SCUBE1: variants seen among roughly 807,000 people sequenced by gnomAD.
The protein encoded by SCUBE1 is signal peptide, CUB and EGF-like domain-containing protein 1.
In SCUBE1, 59 loss-of-function variants were observed where a neutral mutation model predicts 124.4. The ratio of observed to expected loss-of-function variants is 0.47; its 90% CI spans 0.38 to 0.59. SCUBE1 has a LOEUF of 0.59. SCUBE1 is among the 20% of genes least tolerant of loss of function. SCUBE1 has a pLI of 0.00. For synonymous variants in SCUBE1, 545 were observed against 550.9 expected (o/e 0.99, Z 0.15); for missense variants, 1,150 against 1,371.2 (o/e 0.84, Z 2.55).
intron 15 of SCUBE1, among the ~76,000 whole-genome samples, chr22:43,214,879 G>T (rs1921742056): frequency 6.6e-6 from 1 of 151,974 alleles, no homozygotes; most frequent in Non-Finnish European, 1.5e-5. Flanking sequence ...CTCAGTGCTG[G>T]AGAAGATGCT....
chr22:43,308,420 A>C (rs1926053563), intron 3 of SCUBE1, among the ~76,000 whole-genome samples: 1 of 152,252 alleles, frequency 6.6e-6, no homozygotes, highest in Non-Finnish European at 1.5e-5. Flanking sequence ...TTATGGAGTA[A>C]GTATATGACT....
chr22:43,262,587 G>T, intron 5 of SCUBE1, 133 bp downstream of exon 5: 1 of 1,050,822 alleles, frequency 9.5e-7, no homozygotes, highest in African/African-American at 1.6e-5. Context: ...CCTTCCACAG[G>T]CCCTGCCCTT....
At chr22:43,342,270 G>T (rs570277762) in intron 1 of SCUBE1, among the ~76,000 whole-genome samples, 1 of 151,752 alleles carries the variant, frequency 6.6e-6, no homozygotes, top group Non-Finnish European at 1.5e-5. Context: ...AGGGTGGGGG[G>T]GTCCCCGTGA....
At chr22:43,342,511 C>G (rs139130834) in intron 1 of SCUBE1, among the ~76,000 whole-genome samples, 2,137 of 151,900 alleles carry the variant, frequency 0.014, 64 homozygotes, top group African/African-American at 0.048. Context: ...ACCGCCCCCC[C>G]CAACCCCGTT....
rs1432834573 is a variant in SCUBE1 at position 43,298,112 on chromosome 22, T to A, written c.350-6932A>T. ...AAGCCTCTTGGCTATCTAGCGGCTC[T>A]TGCAAAATTGCATTTGATGAGTTAA... On this transcript the variant is annotated intron_variant, in intron 3 of 21. Coordinates refer to ENST00000360835, the MANE Select transcript of SCUBE1 (RefSeq NM_173050.5). Among the ~76,000 whole-genome samples, 5 of 152,268 alleles carry A rather than the reference T, an allele frequency of 3.3e-5. No individual in the cohort carries two copies. The South Asian group carries it at 8.3e-4, about 25-fold the overall frequency.
Position 43,343,194 on chromosome 22 carries a change from G to A in SCUBE1, c.68C>T (p.Ala23Val). The part of the protein sequence containing the change: ...LLALGTRGRL[A>V]GGSGLPGSVD... The stretch of plus-strand genomic sequence containing the variant: ...CTTACCTGGGAGCCCGCTGCCCCCG[G>A]CCAGCCGCCCGCGTGTGCCCAGGGC... The change falls in exon 1 of 22, where the codon GCC becomes GTC. Residue 23 changes from alanine (A) to valine (V), a missense_variant. Around this residue, in one of 3 missense-constraint regions of SCUBE1, gnomAD observed 56 missense variants for 48.1 expected, o/e 1.16. Transcript: ENST00000360835. 1 of 1,195,746 alleles carries A rather than the reference G, an allele frequency of 8.4e-7. No individual in the cohort carries two copies. Among genetic ancestry groups the A allele is most frequent in the Non-Finnish European group, 1.0e-6 (1 of 961,996 alleles). 74.1% of individuals were successfully genotyped at this position (1,195,746 alleles called of 1,614,324 possible).
At position 43,214,195 on chromosome 22, in the gene SCUBE1, T is replaced by C. The variant is rs144703863; in HGVS notation, c.1948A>G (p.Met650Val). ...TCCATGTCCTGGTATGTTCCTGGCA[T>C]ACATGACACACACTGGCCGAGCTCA... ...GGELGQCVSC[M>V]PGTYQDMEGQ... Residue 650 changes from methionine to valine, a missense_variant, in exon 16 of 22, where the codon ATG becomes GTG. Met to Val is a conservative substitution (Grantham distance 21, BLOSUM62 1). Around this residue, in one of 3 missense-constraint regions of SCUBE1, gnomAD observed 757 missense variants for 840.9 expected, o/e 0.90. Coordinates refer to ENST00000360835, the MANE Select transcript of SCUBE1 (RefSeq NM_173050.5). The C allele has an allele frequency of 1.5e-3, 2,434 of 1,613,134 alleles. 66 individuals carry two copies. The East Asian group carries it at 0.048, about 32-fold the overall frequency.
At position 43,197,364 on chromosome 22, in the gene SCUBE1, A is replaced by C. The variant is rs1383969788; in HGVS notation, c.*6633T>G. On this transcript the variant is annotated 3_prime_UTR_variant, in exon 22 of 22. Coordinates refer to ENST00000360835, the MANE Select transcript of SCUBE1 (RefSeq NM_173050.5). ...TATGGGGGACATGATGGATAAAACA[A>C]AACTGAATATTTGTGGCAACTAAAA... 1 of 152,276 alleles carries C rather than the reference A, an allele frequency of 6.6e-6. No homozygotes were observed. The highest frequency in any genetic ancestry group is 2.4e-5 in the African/African-American group (1 of 41,474). The allele number at this position is 152,276 out of a possible 1,614,324, so 9.4% of individuals were successfully genotyped here.
At chr22:43,322,227 C>T (rs533786264) in intron 2 of SCUBE1, among the ~76,000 whole-genome samples, 1 of 152,290 alleles carries the variant, frequency 6.6e-6, no homozygotes, top group South Asian at 2.1e-4. Context: ...TCGTGATCCG[C>T]CCACCTTGGC....
chr22:43,342,175 C>A (rs991438619), intron 1 of SCUBE1, among the ~76,000 whole-genome samples: 1 of 146,136 alleles, frequency 6.8e-6, no homozygotes, highest in African/African-American at 2.6e-5. Context: ...CCGGAGGAAG[C>A]GCCTCTGATG....
At chr22:43,242,893 G>A (rs1923062798) in intron 6 of SCUBE1, among the ~76,000 whole-genome samples, 1 of 152,206 alleles carries the variant, frequency 6.6e-6, no homozygotes, top group South Asian at 2.1e-4. Context: ...CAGCCCCGGG[G>A]GACACAGAAG....
chr22:43,292,312 C>A (rs915628787), intron 3 of SCUBE1, among the ~76,000 whole-genome samples: 1 of 152,142 alleles, frequency 6.6e-6, no homozygotes, highest in African/African-American at 2.4e-5. Flanking sequence ...CATTTCTGAC[C>A]AGAGGCCGCT....
intron 6 of SCUBE1, among the ~76,000 whole-genome samples, chr22:43,241,330 G>T (rs546481388): frequency 6.6e-6 from 1 of 152,032 alleles, no homozygotes; most frequent in African/African-American, 2.4e-5. Flanking sequence ...GCCCTGCTCC[G>T]CCTCCCACTC....
chr22:43,271,463 C>T (rs754026969), intron 4 of SCUBE1, among the ~76,000 whole-genome samples: 10 of 152,204 alleles, frequency 6.6e-5, no homozygotes, highest in Non-Finnish European at 1.2e-4. Flanking sequence ...GGAACAGGGG[C>T]CAACTCTCAG....
chr22:43,314,343 C>T (rs925175311), intron 3 of SCUBE1, among the ~76,000 whole-genome samples: 3 of 152,110 alleles, frequency 2.0e-5, no homozygotes, highest in Non-Finnish European at 4.4e-5. Context: ...AGTACACACC[C>T]CCTCTGAAGC....
intron 15 of SCUBE1, among the ~76,000 whole-genome samples, chr22:43,217,573 C>T (rs1233480957): frequency 1.3e-5 from 2 of 152,182 alleles, no homozygotes; most frequent in African/African-American, 4.8e-5. Flanking sequence ...TCTAAGCATT[C>T]CTATGGCTCC....
intron 3 of SCUBE1, among the ~76,000 whole-genome samples, chr22:43,302,760 A>T (rs746418237): frequency 6.6e-6 from 1 of 152,180 alleles, no homozygotes; most frequent in African/African-American, 2.4e-5. Context: ...TTTGATGGGG[A>T]TAAGAATGGA....
intron 2 of SCUBE1, among the ~76,000 whole-genome samples, chr22:43,337,527 C>T (rs571368459): frequency 5.3e-5 from 8 of 152,226 alleles, no homozygotes; most frequent in Admixed American, 1.3e-4. Flanking sequence ...CCGGGCCAGC[C>T]GCCCCACCAG....
rs1925338387 is a variant in SCUBE1, at chr22:43,291,040, A to G, written c.484+6T>C. 1 of 1,602,406 alleles carries G rather than the reference A, an allele frequency of 6.2e-7. No individual in the cohort carries two copies. The highest frequency in any genetic ancestry group is 8.5e-7 in the Non-Finnish European group (1 of 1,172,836). On this transcript the variant is annotated splice_donor_region_variant and intron_variant, in intron 4 of 21. Transcript: ENST00000360835. ...GACATGCCTGGTCAGCATAGGCTGT[A>G]CTCACCATTGGAGCGGTGGATGCAG...
Sources: allele counts gnomAD v4.1 joint callset (sites outside exome capture counted in the v4.1 genomes callset), GRCh38; gene constraint gnomAD v4.1.1; regional missense constraint gnomAD v4.1.1; transcripts MANE v1.5; gene names NCBI Gene and HGNC (gene_info 2026-07-23, HGNC 2026-07-21).